GRM7: variants seen among roughly 807,000 people sequenced by gnomAD.
GRM7 encodes glutamate metabotropic receptor 7.
GRM7 carries 35 observed loss-of-function variants against 84.5 expected under a neutral mutation model. The observed-to-expected ratio is 0.41, with a 90% CI of 0.32 to 0.55. GRM7 has a LOEUF of 0.55. Among genes scored for constraint, GRM7 ranks in the 20% least tolerant of loss-of-function variants. The probability of loss-of-function intolerance (pLI) is 0.19; values close to 1 mark genes in which losing one functional copy is unlikely to be tolerated. For synonymous variants in GRM7, 487 were observed against 455.1 expected (o/e 1.07, Z -0.89); for missense variants, 1,003 against 1,194.6 (o/e 0.84, Z 2.36).
intron 1 of GRM7, among the ~76,000 whole-genome samples, chr3:6,873,289 T>C (rs112712836): frequency 0.014 from 2,127 of 152,260 alleles, 48 homozygotes; most frequent in African/African-American, 0.047. Flanking sequence ...GCCAGGCTGG[T>C]CCCGAACTCC....
intron 7 of GRM7, among the ~76,000 whole-genome samples, chr3:7,487,581 G>C (rs1335193914): frequency 1.3e-5 from 2 of 152,176 alleles, no homozygotes; most frequent in African/African-American, 4.8e-5. Flanking sequence ...AGTGGTCCCA[G>C]GTGTGACTCA....
intron 2 of GRM7, among the ~76,000 whole-genome samples, chr3:7,258,316 G>T (rs907044469): frequency 4.6e-5 from 7 of 152,154 alleles, no homozygotes; most frequent in African/African-American, 1.7e-4. Context: ...TAAACCTAGA[G>T]TGTAGGGGTC....
chr3:7,722,104 G>A (rs1407335832), intron 9 of GRM7, among the ~76,000 whole-genome samples: 4 of 152,272 alleles, frequency 2.6e-5, no homozygotes, highest in Middle Eastern at 6.8e-3. Flanking sequence ...ACCAAACAAC[G>A]AATTTAGTTT....
In GRM7 at chr3:7,578,695, C is replaced by T. The variant is rs7614915; in HGVS notation, c.1789C>T (p.Leu597=). 0.27 allele frequency: 428,194 copies of T among 1,613,472 alleles called. 60,849 individuals are homozygous for T. The highest frequency in any genetic ancestry group is 0.28 in the Non-Finnish European group (331,878 of 1,179,544). The change falls in exon 8 of 10, where the codon CTG becomes TTG. Residue 597 remains leucine (L), a synonymous_variant. Coordinates refer to ENST00000357716, the MANE Select transcript of GRM7 (RefSeq NM_000844.4). ...HSPWAVIPVF[L]AMLGIIATIF... ...CCCCTGGGCTGTGATTCCTGTCTTC[C>T]TGGCAATGTTGGGGATCATTGCCAC...
At chr3:7,389,114 G>T (rs1476836872) in intron 4 of GRM7, among the ~76,000 whole-genome samples, 3 of 151,944 alleles carry the variant, frequency 2.0e-5, no homozygotes, top group Non-Finnish European at 2.9e-5. Context: ...TTTTATCTCT[G>T]CCTTAATTTC....
intron 7 of GRM7, among the ~76,000 whole-genome samples, chr3:7,536,291 C>A (rs926096051): frequency 2.0e-5 from 3 of 152,072 alleles, no homozygotes; most frequent in Non-Finnish European, 4.4e-5. Flanking sequence ...ATAACTATTA[C>A]CAGTATTGGT....
rs541869135 is a variant in GRM7 at position 7,602,712 on chromosome 3, A to G, written c.2451+23355A>G. On this transcript the variant is annotated intron_variant, in intron 8 of 9. Transcript: ENST00000357716. ...TTACTGTTTCATAATAAAGAAAGTTATTTCAGAAGAAATTACCTTTTTGGA... is the reference window on the plus strand; with the variant it reads ...TTACTGTTTCATAATAAAGAAAGTTGTTTCAGAAGAAATTACCTTTTTGGA... Among the ~76,000 whole-genome samples, 21 of 152,286 alleles carry G rather than the reference A, an allele frequency of 1.4e-4. No individual in the cohort carries two copies. In the South Asian group the frequency reaches 2.3e-3, roughly 17 times the overall value.
chr3:7,527,677 G>T (rs966056164), intron 7 of GRM7, among the ~76,000 whole-genome samples: 1 of 151,930 alleles, frequency 6.6e-6, no homozygotes, highest in Non-Finnish European at 1.5e-5. Flanking sequence ...TGTCATAAAT[G>T]ACTCATTATT....
chr3:7,306,537 C>T lies in GRM7; in HGVS notation c.918C>T (p.Gly306=), dbSNP rs972694992. 6.2e-7 allele frequency: 1 copy of T among 1,613,838 alleles called. No homozygotes were observed. The highest frequency in any genetic ancestry group is 8.5e-7 in the Non-Finnish European group (1 of 1,179,806). Reference sequence around the variant, plus strand: ...CAGCCAAAAGAGCTGACCAAGTTGGCCATTTTCTTTGGGTGGGATCAGACA... The same window carrying T: ...CAGCCAAAAGAGCTGACCAAGTTGGTCATTTTCTTTGGGTGGGATCAGACA... ...LAAAKRADQV[G]HFLWVGSDSW... The change falls in exon 4 of 10, where the codon GGC becomes GGT. Residue 306 remains glycine (G), a synonymous_variant. Transcript: ENST00000357716.
intron 8 of GRM7, among the ~76,000 whole-genome samples, chr3:7,606,603 G>A (rs1023130405): frequency 5.3e-5 from 8 of 151,966 alleles, no homozygotes; most frequent in African/African-American, 1.5e-4. Context: ...GCGCAATCTC[G>A]GCTCACTGCA....
At chr3:7,006,087 C>T (rs969914912) in intron 1 of GRM7, among the ~76,000 whole-genome samples, 2 of 152,214 alleles carry the variant, frequency 1.3e-5, no homozygotes, top group Non-Finnish European at 2.9e-5. Context: ...AACAACCTTC[C>T]CCCCTCCTGG....
rs147050172 is a variant in GRM7, at chr3:7,537,784, C to G, written c.1516-40638C>G. Reference sequence around the variant, plus strand: ...GAGTGTTTTAGTGTAGATTATTCAACTAGGCATGCAGATGTATATCTTCAG... The same window carrying G: ...GAGTGTTTTAGTGTAGATTATTCAAGTAGGCATGCAGATGTATATCTTCAG... On this transcript the variant is annotated intron_variant, in intron 7 of 9. Transcript: ENST00000357716. Among the ~76,000 whole-genome samples the G allele has an allele frequency of 5.2e-3, 788 of 152,170 alleles. 5 individuals carry two copies. The highest frequency in any genetic ancestry group is 0.018 in the African/African-American group (739 of 41,492).
At chr3:7,599,382 G>T (rs541007534) in intron 8 of GRM7, among the ~76,000 whole-genome samples, 26 of 152,112 alleles carry the variant, frequency 1.7e-4, no homozygotes, top group Non-Finnish European at 3.7e-4. Context: ...TCCCCAAAAA[G>T]GTTCAGAAGA....
intron 1 of GRM7, among the ~76,000 whole-genome samples, chr3:6,986,035 G>A (rs1392548319): frequency 1.3e-5 from 2 of 152,006 alleles, no homozygotes; most frequent in African/African-American, 2.4e-5. Flanking sequence ...GATGATGAGA[G>A]CCTTTGCACG....
chr3:7,322,821 G>C lies in GRM7; in HGVS notation c.1033+16169G>C, dbSNP rs189856683. ...TCTATATAGGGAGTGGGAGATGTACGAGTTGAAGCACAAAATTCGTTATCC... is the reference window on the plus strand; with the variant it reads ...TCTATATAGGGAGTGGGAGATGTACCAGTTGAAGCACAAAATTCGTTATCC... On this transcript the variant is annotated intron_variant, in intron 4 of 9. Coordinates refer to ENST00000357716, the MANE Select transcript of GRM7 (RefSeq NM_000844.4). Among the ~76,000 whole-genome samples, 516 of 152,056 alleles carry C rather than the reference G, an allele frequency of 3.4e-3. 12 individuals carry two copies. The highest frequency in any genetic ancestry group is 1.3e-4 in the Non-Finnish European group (9 of 67,988).
intron 1 of GRM7, among the ~76,000 whole-genome samples, chr3:6,946,361 G>C (rs1698081195): frequency 6.6e-6 from 1 of 152,206 alleles, no homozygotes; most frequent in Non-Finnish European, 1.5e-5. Context: ...TCAAAGATCA[G>C]ATAGTTGTAG....
At chr3:7,311,592 A>G (rs1700396064) in intron 4 of GRM7, among the ~76,000 whole-genome samples, 1 of 125,898 alleles carries the variant, frequency 7.9e-6, no homozygotes, top group South Asian at 2.4e-4. Flanking sequence ...CTTGTGTTTC[A>G]ATACATTTTT....
intron 1 of GRM7, among the ~76,000 whole-genome samples, chr3:6,984,034 C>A (rs1045585253): frequency 6.6e-6 from 1 of 152,106 alleles, no homozygotes; most frequent in African/African-American, 2.4e-5. Flanking sequence ...GGACCACTTC[C>A]GTGGAATGAC....
At chr3:7,699,380 T>G (rs1701138340) in intron 9 of GRM7, among the ~76,000 whole-genome samples, 1 of 152,174 alleles carries the variant, frequency 6.6e-6, no homozygotes. Flanking sequence ...TTCCTTCAAC[T>G]CTCTACATAC....
Sources: gnomAD v4.1 joint callset for allele counts (sites outside exome capture counted in the v4.1 genomes callset) on GRCh38, gnomAD v4.1.1 for gene constraint, MANE v1.5 for transcripts, NCBI Gene and HGNC (gene_info 2026-07-23, HGNC 2026-07-21) for gene names.